The following FAT3 variants were observed in gnomAD, a reference collection of about 807,000 sequenced individuals.
FAT3 encodes FAT atypical cadherin 3.
FAT3 carries 95 observed loss-of-function variants against 310.2 expected under a neutral mutation model. The ratio of observed to expected loss-of-function variants is 0.31; its 90% CI spans 0.26 to 0.36. The LOEUF is 0.36. FAT3 is among the 10% of genes least tolerant of loss of function. The probability of loss-of-function intolerance (pLI) is 1.00; values close to 1 mark genes in which losing one functional copy is unlikely to be tolerated. For synonymous variants in FAT3, 2,314 were observed against 2,192.9 expected (o/e 1.06, Z -1.54); for missense variants, 5,408 against 5,715.6 (o/e 0.95, Z 1.74).
chr11:92,411,439 G>C (rs1203625916), intron 2 of FAT3, among the ~76,000 whole-genome samples: 1 of 151,942 alleles, frequency 6.6e-6, no homozygotes, highest in Non-Finnish European at 1.5e-5. Flanking sequence ...ATTGTGTCTA[G>C]TTCATTGCTT....
intron 1 of FAT3, among the ~76,000 whole-genome samples, chr11:92,287,710 C>T (rs2134383983): frequency 6.6e-6 from 1 of 152,238 alleles, no homozygotes; most frequent in East Asian, 1.9e-4. Flanking sequence ...CTTTCTTTTG[C>T]TCTTCAAATA....
intron 2 of FAT3, among the ~76,000 whole-genome samples, chr11:92,478,619 A>T (rs1181674374): frequency 6.7e-6 from 1 of 149,946 alleles, no homozygotes; most frequent in Non-Finnish European, 1.5e-5. Flanking sequence ...TCTATCTGAT[A>T]CATTTTTTTT....
At chr11:92,786,417 T>TCTAA (rs1422320123) in intron 7 of FAT3, among the ~76,000 whole-genome samples, 3 of 151,956 alleles carry the variant, frequency 2.0e-5, no homozygotes, top group Non-Finnish European at 4.4e-5. Flanking sequence ...TGAGAGGCCA[T>TCTAA]CTAACCTATA....
intron 3 of FAT3, among the ~76,000 whole-genome samples, chr11:92,670,218 C>T (rs993123973): frequency 6.6e-6 from 1 of 152,168 alleles, no homozygotes; most frequent in Admixed American, 6.5e-5. Context: ...CAGGCAGCCT[C>T]TTGTTTCTCT....
At chr11:92,357,041 G>A (rs1948751957) in intron 2 of FAT3, among the ~76,000 whole-genome samples, 1 of 152,078 alleles carries the variant, frequency 6.6e-6, no homozygotes, top group Non-Finnish European at 1.5e-5. Context: ...GCCACATACT[G>A]TATGTTATTA....
intron 2 of FAT3, among the ~76,000 whole-genome samples, chr11:92,476,271 G>T (rs1228100455): frequency 6.6e-6 from 1 of 152,148 alleles, no homozygotes; most frequent in African/African-American, 2.4e-5. Context: ...GAAAGCAATT[G>T]ACCAGATGGA....
chr11:92,553,671 CCGTCCCTTCCTTCCTT>C lies in FAT3; in HGVS notation c.3607+28725_3607+28740del, dbSNP rs1350644667. On this transcript the variant is annotated intron_variant, in intron 3 of 27. Coordinates refer to ENST00000525166, the MANE Select transcript of FAT3 (RefSeq NM_001367949.2). ...ATTGTAGACATAAATTCTAGAATCTCCGTCCCTTCCTTCCTTCCTTCCTTCCTTCCTTCCTTCCTTC... is the reference window on the plus strand; with the variant it reads ...ATTGTAGACATAAATTCTAGAATCTCCCTTCCTTCCTTCCTTCCTTCCTTC... 2.5e-3 allele frequency among the ~76,000 whole-genome samples: 267 copies of C among 108,930 alleles called. 2 individuals are homozygous for C. The highest frequency in any genetic ancestry group is 0.013 in the Middle Eastern group (3 of 234). The allele number at this position is 108,930 out of a possible 152,430, so 71.5% of individuals were successfully genotyped here.
At chr11:92,236,317 A>G (rs1864418262) in intron 1 of FAT3, among the ~76,000 whole-genome samples, 1 of 152,208 alleles carries the variant, frequency 6.6e-6, no homozygotes, top group African/African-American at 2.4e-5. Context: ...AAGCGAATGT[A>G]TGAAGTAATG....
intron 2 of FAT3, among the ~76,000 whole-genome samples, chr11:92,432,566 C>A (rs1950815536): frequency 6.6e-6 from 1 of 152,166 alleles, no homozygotes; most frequent in South Asian, 2.1e-4. Flanking sequence ...ACTCCAGACC[C>A]TGTTTGCCTG....
At chr11:92,646,397 C>T (rs1425120074) in intron 3 of FAT3, among the ~76,000 whole-genome samples, 2 of 152,194 alleles carry the variant, frequency 1.3e-5, no homozygotes, top group Non-Finnish European at 2.9e-5. Flanking sequence ...ATTGCCATGA[C>T]ATTACTTCTA....
At chr11:92,715,684 G>A in intron 4 of FAT3, among the ~76,000 whole-genome samples, 1 of 152,040 alleles carries the variant, frequency 6.6e-6, no homozygotes, top group East Asian at 1.9e-4. Flanking sequence ...CTGTAGGACA[G>A]CACATGATAA....
At chr11:92,719,332 C>T (rs1394091269) in intron 4 of FAT3, among the ~76,000 whole-genome samples, 1 of 152,102 alleles carries the variant, frequency 6.6e-6, no homozygotes, top group African/African-American at 2.4e-5. Context: ...ACATTATTAT[C>T]TACCAGTTCT....
chr11:92,384,382 G>C lies in FAT3; in HGVS notation c.3292+28978G>C, dbSNP rs545840140. ...AAGGGAAAATTCTTTGAGCACATTT[G>C]AATGACAAAATTATATTTCTCATCG... On this transcript the variant is annotated intron_variant, in intron 2 of 27. Transcript: ENST00000525166. 2.4e-3 allele frequency among the ~76,000 whole-genome samples: 373 copies of C among 152,268 alleles called. 3 individuals carry two copies. Among genetic ancestry groups the C allele is most frequent in the Non-Finnish European group, 4.5e-3 (303 of 68,016 alleles).
intron 1 of FAT3, among the ~76,000 whole-genome samples, chr11:92,240,427 G>A (rs976781728): frequency 3.3e-5 from 5 of 151,628 alleles, no homozygotes; most frequent in African/African-American, 1.2e-4. Context: ...TTGTTCTTTT[G>A]CAGCCATGGC....
At chr11:92,444,662 G>C (rs964184752) in intron 2 of FAT3, among the ~76,000 whole-genome samples, 1 of 138,006 alleles carries the variant, frequency 7.2e-6, no homozygotes, top group Non-Finnish European at 1.5e-5. Context: ...ATATTACTGG[G>C]GGGGGGGGAA....
chr11:92,527,609 A>C (rs569654147), intron 3 of FAT3, among the ~76,000 whole-genome samples: 35 of 152,214 alleles, frequency 2.3e-4, no homozygotes, highest in Admixed American at 1.3e-3. Flanking sequence ...TGAGATTCAC[A>C]GAACTCCAAG....
chr11:92,254,491 G>A (rs546808599), intron 1 of FAT3, among the ~76,000 whole-genome samples: 72 of 152,212 alleles, frequency 4.7e-4, no homozygotes, highest in Non-Finnish European at 1.8e-4. Flanking sequence ...CCTCTCCACT[G>A]AACATTTGAG....
intron 3 of FAT3, among the ~76,000 whole-genome samples, chr11:92,663,036 A>T (rs116285903): frequency 0.013 from 2,006 of 152,280 alleles, 50 homozygotes; most frequent in African/African-American, 0.046. Context: ...AGGCTGGAAG[A>T]CATAAGACCA....
In FAT3 at chr11:92,808,500, T is replaced by C. The variant is rs556668704; in HGVS notation, c.9248-1343T>C. 3.9e-5 allele frequency among the ~76,000 whole-genome samples: 6 copies of C among 152,210 alleles called. No homozygotes were observed. The East Asian group carries it at 9.7e-4, about 25-fold the overall frequency. ...GGAGGGAAAACTACTTTAGGCCAGA[T>C]TGTGGAGTGTCTTGAATGTCCCAAT... On this transcript the variant is annotated intron_variant, in intron 12 of 27. Transcript: ENST00000525166.
Sources: allele counts gnomAD v4.1 joint callset (sites outside exome capture counted in the v4.1 genomes callset), GRCh38; gene constraint gnomAD v4.1.1; transcripts MANE v1.5; gene names NCBI Gene and HGNC (gene_info 2026-07-23, HGNC 2026-07-21).